BACH2: variants seen among roughly 807,000 people sequenced by gnomAD.
BACH2 encodes BACH transcriptional regulator 2, also known as transcription regulator protein BACH2.
BACH2 carries 5 observed loss-of-function variants against 61.8 expected under a neutral mutation model. That is an observed-to-expected ratio of 0.08 (90% CI 0.04 to 0.17). The LOEUF (loss-of-function observed/expected upper bound fraction) is 0.17. Among genes scored for constraint, BACH2 ranks in the 10% least tolerant of loss-of-function variants. The pLI is 1.00. For synonymous variants in BACH2, 446 were observed against 440.1 expected, an observed-to-expected ratio of 1.01 and a Z score of -0.17; for missense variants, 824 against 1,091.1, an observed-to-expected ratio of 0.76 and a Z score of 3.45.
At chr6:90,282,597 T>C (rs1162646137) in intron 1 of BACH2, among the ~76,000 whole-genome samples, 1 of 152,212 alleles carries the variant, frequency 6.6e-6, no homozygotes, top group Non-Finnish European at 1.5e-5. Flanking sequence ...TTATTGTGAA[T>C]AGTGCCGCAA....
At chr6:90,268,715 A>T (rs949681955) in intron 2 of BACH2, among the ~76,000 whole-genome samples, 4 of 152,210 alleles carry the variant, frequency 2.6e-5, no homozygotes, top group African/African-American at 9.6e-5. Context: ...TTCACCCAAG[A>T]TAATTAGAGA....
intron 1 of BACH2, among the ~76,000 whole-genome samples, chr6:90,272,230 C>T (rs1771548570): frequency 6.6e-6 from 1 of 152,036 alleles, no homozygotes; most frequent in Admixed American, 6.6e-5. Context: ...TTCTCCTTGA[C>T]TTCTTTGTAG....
chr6:89,968,943 G>A (rs9344977), intron 6 of BACH2, among the ~76,000 whole-genome samples: 100,126 of 151,604 alleles, frequency 0.66, 33,408 homozygotes, highest in Middle Eastern at 0.78. Flanking sequence ...TCTGGGAGGC[G>A]GAGGTTGCAG....
chr6:90,088,275 G>T (rs1333121291), intron 5 of BACH2, among the ~76,000 whole-genome samples: 1 of 152,162 alleles, frequency 6.6e-6, no homozygotes, highest in Non-Finnish European at 1.5e-5. Flanking sequence ...TTTCTCTTTT[G>T]AGTGTGTCTA....
At chr6:90,107,886 AG>A (rs757228672) in intron 4 of BACH2, among the ~76,000 whole-genome samples, 4 of 152,188 alleles carry the variant, frequency 2.6e-5, no homozygotes, top group Non-Finnish European at 5.9e-5. Context: ...GTGGGCAGTC[AG>A]GGTGAAAACT....
intron 1 of BACH2, among the ~76,000 whole-genome samples, chr6:90,296,010 C>T (rs1251588736): frequency 6.6e-6 from 1 of 152,186 alleles, no homozygotes; most frequent in East Asian, 2.0e-4. Context: ...GCCGCCCGGC[C>T]TGGAGCTGGG....
intron 3 of BACH2, among the ~76,000 whole-genome samples, chr6:90,226,512 G>A (rs998076722): frequency 1.3e-5 from 2 of 152,132 alleles, no homozygotes; most frequent in African/African-American, 4.8e-5. Flanking sequence ...GAAGAGATGT[G>A]CATAAACGAC....
chr6:90,209,221 T>G (rs1769258890), intron 3 of BACH2, among the ~76,000 whole-genome samples: 2 of 151,864 alleles, frequency 1.3e-5, no homozygotes, highest in African/African-American at 4.8e-5. Context: ...AAATACCACA[T>G]TCAGTCATAG....
At position 89,951,033 on chromosome 6, in the gene BACH2, C is replaced by T. The variant is rs1167014935; in HGVS notation, c.1073G>A (p.Ser358Asn). ...TKSVELSGLP[S>N]TSQQHFARSP... ...CCTGGCAAAGTGCTGCTGAGATGTACTGGGCAGGCCAGACAGCTCCACACT... is the reference window on the plus strand; with the variant it reads ...CCTGGCAAAGTGCTGCTGAGATGTATTGGGCAGGCCAGACAGCTCCACACT... Residue 358 changes from serine to asparagine, a missense_variant, in exon 7 of 9, where the codon AGT becomes AAT. By Grantham distance (46) the Ser-to-Asn change is conservative (BLOSUM62 1). Around this residue, in one of 8 missense-constraint regions of BACH2, gnomAD observed 226 missense variants for 228.5 expected, o/e 0.99. Coordinates refer to ENST00000257749, the MANE Select transcript of BACH2 (RefSeq NM_021813.4). This position sits in a 1 kb window ranked among gnomAD's most constrained non-coding sequence, Gnocchi z 6.4. 3 of 1,606,450 alleles carry T rather than the reference C, an allele frequency of 1.9e-6. No individual in the cohort carries two copies. The highest frequency in any genetic ancestry group is 2.5e-6 in the Non-Finnish European group (3 of 1,176,592).
intron 5 of BACH2, among the ~76,000 whole-genome samples, chr6:90,028,989 A>G (rs1332763747): frequency 3.3e-5 from 5 of 152,332 alleles, no homozygotes; most frequent in African/African-American, 4.8e-5. Context: ...GGTCCATCAA[A>G]TTAGCTCCTC....
intron 4 of BACH2, among the ~76,000 whole-genome samples, chr6:90,192,411 A>G (rs1361195763): frequency 6.6e-6 from 1 of 152,152 alleles, no homozygotes; most frequent in Non-Finnish European, 1.5e-5. Flanking sequence ...TTGAAAAGGA[A>G]CATACAAAGC....
At chr6:90,090,211 A>G (rs762398104) in intron 4 of BACH2, among the ~76,000 whole-genome samples, 27 of 152,180 alleles carry the variant, frequency 1.8e-4, no homozygotes, top group Admixed American at 5.9e-4. Context: ...TATACCCCAT[A>G]GAAATACATC....
intron 5 of BACH2, among the ~76,000 whole-genome samples, chr6:90,060,631 G>C (rs1010442416): frequency 1.3e-5 from 2 of 151,770 alleles, no homozygotes; most frequent in Non-Finnish European, 1.5e-5. Context: ...TGGTGGGGAA[G>C]GAGTAATTAA....
intron 1 of BACH2, among the ~76,000 whole-genome samples, chr6:90,285,443 T>A (rs1771990857): frequency 1.3e-5 from 2 of 152,328 alleles, no homozygotes; most frequent in African/African-American, 4.8e-5. Flanking sequence ...TTATGAAAAC[T>A]CTTTCTGATC....
intron 4 of BACH2, among the ~76,000 whole-genome samples, chr6:90,119,794 C>T (rs1020394244): frequency 6.6e-6 from 1 of 152,066 alleles, no homozygotes; most frequent in African/African-American, 2.4e-5. Flanking sequence ...CGTTCATCCA[C>T]CTTGAAAAAA....
At chr6:90,251,274 A>G (rs1284265094) in intron 3 of BACH2, among the ~76,000 whole-genome samples, 3 of 152,154 alleles carry the variant, frequency 2.0e-5, no homozygotes, top group African/African-American at 7.2e-5. Context: ...GTAAGCCATA[A>G]TATTCTTTTC....
intron 3 of BACH2, among the ~76,000 whole-genome samples, chr6:90,223,955 A>G (rs1190597385): frequency 1.3e-5 from 2 of 152,204 alleles, no homozygotes; most frequent in African/African-American, 4.8e-5. Context: ...ACTACTTACT[A>G]TCTGAAACTG....
chr6:89,947,329 A>G (rs917081149), intron 7 of BACH2, among the ~76,000 whole-genome samples: 3 of 152,176 alleles, frequency 2.0e-5, no homozygotes, highest in Non-Finnish European at 2.9e-5. Context: ...GTAACTCCCT[A>G]AAGCAGGTTA....
intron 4 of BACH2, among the ~76,000 whole-genome samples, chr6:90,103,062 A>G (rs148552031): frequency 2.6e-5 from 2 of 77,146 alleles, no homozygotes; most frequent in African/African-American, 1.1e-4. Context: ...ACCAGACTAT[A>G]TTTTGCTTCA....
Sources: gnomAD v4.1 joint callset for allele counts (sites outside exome capture counted in the v4.1 genomes callset) on GRCh38, gnomAD v4.1.1 for gene constraint, gnomAD v4.1.1 regional missense constraint, Gnocchi (gnomAD v3.1) non-coding constraint, MANE v1.5 for transcripts, NCBI Gene and HGNC (gene_info 2026-07-23, HGNC 2026-07-21) for gene names.